Variants in ZMYND11 observed in about 807,000 individuals in gnomAD.
ZMYND11 encodes the protein zinc finger MYND domain-containing protein 11.
A neutral mutation model predicts 84.9 loss-of-function variants in ZMYND11; 9 were observed. The observed-to-expected ratio is 0.11, with a 90% CI of 0.06 to 0.18. The LOEUF (loss-of-function observed/expected upper bound fraction) is 0.18, where lower values mean the gene tolerates loss of function less well. Among genes scored for constraint, ZMYND11 ranks in the 10% least tolerant of loss-of-function variants. ZMYND11 has a pLI of 1.00. For synonymous variants in ZMYND11, 250 were observed against 244.1 expected (o/e 1.02, Z -0.23); for missense variants, 409 against 761.0 (o/e 0.54, Z 5.44).
intron 1 of ZMYND11, among the ~76,000 whole-genome samples, chr10:144,767 T>G (rs982986722): frequency 1.3e-5 from 2 of 149,074 alleles, no homozygotes; most frequent in Non-Finnish European, 3.0e-5. Context: ...ACACATTTCA[T>G]TAGCTTTGGG....
chr10:230,227 C>T (rs1564421884), intron 4 of ZMYND11, among the ~76,000 whole-genome samples: 1 of 152,122 alleles, frequency 6.6e-6, no homozygotes, highest in Admixed American at 6.5e-5. Context: ...GTAATCCCAG[C>T]ACTGTGGGAG....
chr10:158,412 CT>C (rs372896551), intron 1 of ZMYND11, among the ~76,000 whole-genome samples: 2,466 of 142,456 alleles, frequency 0.017, 30 homozygotes, highest in African/African-American at 0.06. Context: ...TTGTCTTTTC[CT>C]TTTTTTTTTT....
At chr10:194,847 G>A (rs1172534141) in intron 2 of ZMYND11, among the ~76,000 whole-genome samples, 4 of 152,170 alleles carry the variant, frequency 2.6e-5, no homozygotes, top group Admixed American at 6.5e-5. Context: ...CTGGAGGGAT[G>A]TAATGGAGGA....
intron 1 of ZMYND11, among the ~76,000 whole-genome samples, chr10:167,281 A>G (rs1339067305): frequency 6.6e-6 from 1 of 152,078 alleles, no homozygotes. Context: ...AAAATAAATA[A>G]TATTATGTTC....
In ZMYND11 at chr10:225,239, T is replaced by C. The variant is rs1947898523; in HGVS notation, c.438+3883T>C. 2.6e-5 allele frequency among the ~76,000 whole-genome samples: 4 copies of C among 152,376 alleles called. No individual in the cohort carries two copies. The South Asian group carries it at 6.2e-4, about 24-fold the overall frequency. On this transcript the variant is annotated intron_variant, in intron 4 of 14. Coordinates refer to ENST00000381604, the MANE Select transcript of ZMYND11 (RefSeq NM_001370100.5). ...CGTTTAAATTTTTGATAAAAATCACTGACTTGTTCTTCAGAGTATTATACC... is the reference window on the plus strand; with the variant it reads ...CGTTTAAATTTTTGATAAAAATCACCGACTTGTTCTTCAGAGTATTATACC...
intron 10 of ZMYND11, among the ~76,000 whole-genome samples, chr10:245,208 TATA>T (rs765371097): frequency 6.6e-6 from 1 of 152,378 alleles, no homozygotes; most frequent in South Asian, 2.1e-4. Flanking sequence ...ACATAGTTGA[TATA>T]ATATTAACAA....
chr10:135,081 C>G (rs1835591731), upstream of ZMYND11: 1 of 149,612 alleles, frequency 6.7e-6, no homozygotes, highest in Admixed American at 6.6e-5. The surrounding 1 kb of genome is among the most constrained non-coding windows in gnomAD (Gnocchi z 5.6). Context: ...GGCCGCCCCG[C>G]GCGCATCGCC....
chr10:142,135 G>T (rs781856444), intron 1 of ZMYND11, among the ~76,000 whole-genome samples: 2 of 152,130 alleles, frequency 1.3e-5, no homozygotes, highest in Non-Finnish European at 2.9e-5. Flanking sequence ...TTTAGACAGG[G>T]TCTCATTCTG....
chr10:226,323 T>A (rs541471665), intron 4 of ZMYND11, among the ~76,000 whole-genome samples: 9 of 152,344 alleles, frequency 5.9e-5, no homozygotes, highest in Admixed American at 5.9e-4. Flanking sequence ...TAATGCCTCA[T>A]AAAAAGTCTG....
In ZMYND11 at chr10:252,329, C is replaced by T. The variant is rs985470761; in HGVS notation, c.1687-19C>T. Reference sequence around the variant, plus strand: ...ATCCACACCCAAGTCTAAAGACTGCCCCGATTTCTTACCTGCAGTGCTACA... The same window carrying T: ...ATCCACACCCAAGTCTAAAGACTGCTCCGATTTCTTACCTGCAGTGCTACA... On this transcript the variant is annotated intron_variant, in intron 14 of 14. Coordinates refer to ENST00000381604, the MANE Select transcript of ZMYND11 (RefSeq NM_001370100.5). This position sits in a 1 kb window ranked among gnomAD's most constrained non-coding sequence, Gnocchi z 4.6. 3.1e-6 allele frequency: 5 copies of T among 1,613,142 alleles called. No homozygotes were observed. The African/African-American group carries it at 5.3e-5, about 17-fold the overall frequency.
In ZMYND11 at chr10:150,863, C is replaced by CT. The variant is rs368645859; in HGVS notation, c.-20+15305dup. On this transcript the variant is annotated intron_variant, in intron 1 of 14. Transcript: ENST00000381604. ...AGGGGCAGACTGACACCTCACATGG[C>CT]TGGGTACCCCTCTAAGACAAAGCTT... is the stretch of plus-strand genomic sequence containing the variant. Among the ~76,000 whole-genome samples the CT allele has an allele frequency of 2.7e-3, 407 of 152,352 alleles. 2 individuals carry two copies. The highest frequency in any genetic ancestry group is 8.8e-3 in the African/African-American group (368 of 41,582).
chr10:253,187 T>C lies in ZMYND11; in HGVS notation c.*717T>C, dbSNP rs1953827719. 1 of 152,692 alleles carries C rather than the reference T, an allele frequency of 6.5e-6. No homozygotes were observed. Among genetic ancestry groups the C allele is most frequent in the African/African-American group, 2.4e-5 (1 of 41,474 alleles). The allele number at this position is 152,692 out of a possible 1,614,324, so 9.5% of individuals were successfully genotyped here. The stretch of plus-strand genomic sequence containing the variant: ...TTAGAGAAAATGAATATTTAAATTT[T>C]AAAGTTTGCACATTTCATCTTTGTC... On this transcript the variant is annotated 3_prime_UTR_variant, in exon 15 of 15. Coordinates refer to ENST00000381604, the MANE Select transcript of ZMYND11 (RefSeq NM_001370100.5).
chr10:217,688 C>T (rs1946422995), intron 3 of ZMYND11, among the ~76,000 whole-genome samples: 1 of 152,096 alleles, frequency 6.6e-6, no homozygotes, highest in Non-Finnish European at 1.5e-5. Context: ...CCTGGGTGCT[C>T]ACATTGTGCC....
intron 1 of ZMYND11, among the ~76,000 whole-genome samples, chr10:168,054 GTATT>G (rs1844423682): frequency 6.6e-6 from 1 of 151,992 alleles, no homozygotes; most frequent in Admixed American, 6.6e-5. Flanking sequence ...GAATCAGTAA[GTATT>G]TATTTAGCAT....
intron 1 of ZMYND11, chr10:148,897 A>G (rs1422996921): frequency 1.3e-5 from 2 of 152,236 alleles, no homozygotes; most frequent in African/African-American, 4.8e-5. Flanking sequence ...AAGTGTGCTA[A>G]GTCAAATTTT....
intron 2 of ZMYND11, among the ~76,000 whole-genome samples, chr10:191,423 A>G (rs968355404): frequency 3.9e-5 from 6 of 152,242 alleles, no homozygotes; most frequent in Non-Finnish European, 5.9e-5. Flanking sequence ...TCCTCACAAC[A>G]ACTGTGAAGT....
At chr10:206,777 A>G (rs1230562240) in intron 2 of ZMYND11, among the ~76,000 whole-genome samples, 1 of 151,976 alleles carries the variant, frequency 6.6e-6, no homozygotes, top group African/African-American at 2.4e-5. Flanking sequence ...CTTTATCACT[A>G]CGTAACACAT....
chr10:132,192 G>A (rs1219830534), upstream of ZMYND11, among the ~76,000 whole-genome samples: 1 of 151,356 alleles, frequency 6.6e-6, no homozygotes, highest in Non-Finnish European at 1.5e-5. Flanking sequence ...ATTTCATTGG[G>A]GCAACCCGTT....
chr10:245,714 C>T (rs1951987178), intron 10 of ZMYND11, among the ~76,000 whole-genome samples: 1 of 152,182 alleles, frequency 6.6e-6, no homozygotes, highest in South Asian at 2.1e-4. Flanking sequence ...TCTGACCACT[C>T]ACAACCAAAT....
Sources: allele counts gnomAD v4.1 joint callset (sites outside exome capture counted in the v4.1 genomes callset), GRCh38; gene constraint gnomAD v4.1.1; non-coding constraint Gnocchi (gnomAD v3.1); transcripts MANE v1.5; gene names NCBI Gene and HGNC (gene_info 2026-07-23, HGNC 2026-07-21).